Variants in GNB1 observed in about 807,000 individuals in gnomAD.
GNB1 encodes guanine nucleotide-binding protein G(I)/G(S)/G(T) subunit beta-1.
Under a neutral mutation model 42.9 loss-of-function variants are expected in GNB1, and 2 were observed. That is an observed-to-expected ratio of 0.05 (90% CI 0.02 to 0.15). The LOEUF is 0.15. GNB1 is among the 10% of genes least tolerant of loss of function. The pLI is 1.00. For missense variants in GNB1, 193 were observed against 462.2 expected, an observed-to-expected ratio of 0.42 and a Z score of 5.34; for synonymous variants, 183 against 174.7, an observed-to-expected ratio of 1.05 and a Z score of -0.38.
chr1:1,877,537 T>C (rs982070937), intron 1 of GNB1, among the ~76,000 whole-genome samples: 2 of 152,102 alleles, frequency 1.3e-5, no homozygotes, highest in African/African-American at 4.8e-5. Context: ...AGGGTCTAGC[T>C]GTGTTGCCCA....
At chr1:1,813,957 CTACTT>C (rs1646815968) in intron 5 of GNB1, among the ~76,000 whole-genome samples, 1 of 152,174 alleles carries the variant, frequency 6.6e-6, no homozygotes, top group Admixed American at 6.5e-5. Context: ...ACACTTAAGT[CTACTT>C]TACTAACAAT....
chr1:1,839,145 T>C (rs1175819207), intron 2 of GNB1, 45 bp downstream of exon 2: 2 of 152,176 alleles, frequency 1.3e-5, no homozygotes, highest in Non-Finnish European at 2.9e-5. Flanking sequence ...GAAATTTATA[T>C]ATTGTCTTTC....
intron 5 of GNB1, among the ~76,000 whole-genome samples, chr1:1,812,894 C>A (rs1407981208): frequency 2.0e-5 from 3 of 148,158 alleles, no homozygotes; most frequent in Non-Finnish European, 4.5e-5. Context: ...CTGAACACAC[C>A]TGCCTGCAGG....
intron 1 of GNB1, among the ~76,000 whole-genome samples, chr1:1,848,356 GCA>G (rs1491554121): frequency 8.4e-4 from 73 of 87,046 alleles, no homozygotes; most frequent in Non-Finnish European, 9.5e-4. Flanking sequence ...TCCAGCCCAG[GCA>G]AAAAAAAAAA....
chr1:1,832,945 A>C (rs1280287597), intron 2 of GNB1, among the ~76,000 whole-genome samples: 3 of 152,212 alleles, frequency 2.0e-5, no homozygotes, highest in Non-Finnish European at 1.5e-5. Flanking sequence ...CCAATCTGAA[A>C]GTGCTCTGTC....
At chr1:1,888,603 C>T (rs983409115) in intron 1 of GNB1, among the ~76,000 whole-genome samples, 1 of 152,078 alleles carries the variant, frequency 6.6e-6, no homozygotes, top group African/African-American at 2.4e-5. Context: ...TTTGGCAGAT[C>T]AAGGCGGGTG....
chr1:1,876,996 A>C (rs1649579574), intron 1 of GNB1, among the ~76,000 whole-genome samples: 1 of 152,132 alleles, frequency 6.6e-6, no homozygotes, highest in Admixed American at 6.6e-5. Context: ...GAAAAATCAC[A>C]ATTTTAAAAA....
At chr1:1,794,633 G>A (rs1570625648) in intron 7 of GNB1, among the ~76,000 whole-genome samples, 1 of 152,146 alleles carries the variant, frequency 6.6e-6, no homozygotes, top group Non-Finnish European at 1.5e-5. Context: ...AAACCCACTG[G>A]GGTTTTAATG....
chr1:1,817,011 G>A (rs1367935584), intron 4 of GNB1, among the ~76,000 whole-genome samples: 1 of 148,916 alleles, frequency 6.7e-6, no homozygotes, highest in African/African-American at 2.4e-5. Flanking sequence ...TACACTCATT[G>A]TTGTAAAACC....
chr1:1,829,802 A>G (rs1647051078), intron 2 of GNB1, among the ~76,000 whole-genome samples: 1 of 151,924 alleles, frequency 6.6e-6, no homozygotes, highest in African/African-American at 2.4e-5. Context: ...GCAGTGGCAC[A>G]GTGCTGGCTC....
At chr1:1,878,255 A>C (rs1649655909) in intron 1 of GNB1, among the ~76,000 whole-genome samples, 1 of 152,214 alleles carries the variant, frequency 6.6e-6, no homozygotes, top group African/African-American at 2.4e-5. Context: ...GCAAAACGCA[A>C]GTGCACCAAC....
intron 1 of GNB1, among the ~76,000 whole-genome samples, chr1:1,856,603 T>C (rs1032482419): frequency 4.6e-5 from 7 of 152,236 alleles, no homozygotes; most frequent in African/African-American, 1.4e-4. Flanking sequence ...AACTTTTGTA[T>C]TTTCAGTAGA....
At position 1,830,265 on chromosome 1, in the gene GNB1, A is replaced by T. The variant is rs1022790341; in HGVS notation, c.-46-4766T>A. On this transcript the variant is annotated intron_variant, in intron 2 of 11. Transcript: ENST00000378609. ...TTCAGTTTCAATAAAATAATATTAC[A>T]TTTTTTTTTTTTTGAGATGGAGTCT... Among the ~76,000 whole-genome samples, 35 of 143,908 alleles carry T rather than the reference A, an allele frequency of 2.4e-4. No individual in the cohort carries two copies. In the Middle Eastern group the frequency reaches 0.011, roughly 44 times the overall value. The allele number at this position is 143,908 out of a possible 152,430, so 94.4% of individuals were successfully genotyped here.
intron 1 of GNB1, among the ~76,000 whole-genome samples, chr1:1,850,576 T>A (rs908158533): frequency 2.0e-5 from 3 of 152,126 alleles, no homozygotes; most frequent in African/African-American, 7.2e-5. Context: ...TTTTAAAGAA[T>A]CTCTAACATT....
chr1:1,798,517 G>C (rs374563537), intron 7 of GNB1, among the ~76,000 whole-genome samples: 28 of 152,350 alleles, frequency 1.8e-4, no homozygotes, highest in African/African-American at 6.5e-4. Context: ...GCCTTAGGCT[G>C]GACTTCTGAT....
chr1:1,815,045 G>A (rs1646833973), intron 5 of GNB1, among the ~76,000 whole-genome samples: 1 of 151,282 alleles, frequency 6.6e-6, no homozygotes, highest in Admixed American at 6.6e-5. Flanking sequence ...CCGGGAGGCG[G>A]AGCTTGCAGT....
chr1:1,838,580 G>A (rs1647182446), intron 2 of GNB1, among the ~76,000 whole-genome samples: 1 of 151,634 alleles, frequency 6.6e-6, no homozygotes, highest in African/African-American at 2.4e-5. Context: ...GAGTAGCTGG[G>A]ACTACAGGCG....
Position 1,787,104 on chromosome 1 carries a change from T to G in GNB1, c.*10-51A>C, listed in dbSNP as rs1422206914. 2.3e-6 allele frequency: 1 copy of G among 428,500 alleles called. No individual in the cohort carries two copies. Among genetic ancestry groups the G allele is most frequent in the Non-Finnish European group, 4.2e-6 (1 of 236,500 alleles). The allele number at this position is 428,500 out of a possible 1,614,324, so 26.5% of individuals were successfully genotyped here. A position where few individuals can be genotyped will look rare whatever the true frequency, so the allele number is the denominator to read the frequency against. On this transcript the variant is annotated intron_variant, in intron 11 of 11. Coordinates refer to ENST00000378609, the MANE Select transcript of GNB1 (RefSeq NM_002074.5). This position sits in a 1 kb window ranked among gnomAD's most constrained non-coding sequence, Gnocchi z 4.4. The stretch of plus-strand genomic sequence containing the variant: ...TGTGAAAAGAGGCAGAGAATCTAAG[T>G]GCAGACGCACAGCCAGGTCACTGCT...
At chr1:1,849,453 C>T (rs191396141) in intron 1 of GNB1, among the ~76,000 whole-genome samples, 42 of 152,304 alleles carry the variant, frequency 2.8e-4, no homozygotes, top group Admixed American at 2.6e-4. Flanking sequence ...ATCACCCAGG[C>T]TACAGTGCAG....
Sources: gnomAD v4.1 joint callset for allele counts (sites outside exome capture counted in the v4.1 genomes callset) on GRCh38, gnomAD v4.1.1 for gene constraint, Gnocchi (gnomAD v3.1) non-coding constraint, MANE v1.5 for transcripts, NCBI Gene and HGNC (gene_info 2026-07-23, HGNC 2026-07-21) for gene names.